The following ZNF704 variants were observed in gnomAD, a reference collection of about 807,000 sequenced individuals.
ZNF704 encodes zinc finger protein 704.
In ZNF704, 10 loss-of-function variants were observed where a neutral mutation model predicts 44.7. The observed-to-expected ratio is 0.22, with a 90% CI of 0.14 to 0.38. ZNF704 has a LOEUF of 0.38. Among genes scored for constraint, ZNF704 ranks in the 10% least tolerant of loss-of-function variants. The pLI is 1.00. For missense variants in ZNF704, 390 were observed against 545.5 expected, an observed-to-expected ratio of 0.71 and a Z score of 2.84; for synonymous variants, 211 against 207.6, an observed-to-expected ratio of 1.02 and a Z score of -0.14.
At chr8:80,676,846 A>G (rs1585943889) in intron 4 of ZNF704, among the ~76,000 whole-genome samples, 1 of 152,178 alleles carries the variant, frequency 6.6e-6, no homozygotes, top group African/African-American at 2.4e-5. Context: ...TCATGCTCCT[A>G]TGAGAATCTA....
At chr8:80,752,677 G>A (rs988843225) in intron 2 of ZNF704, among the ~76,000 whole-genome samples, 4 of 152,128 alleles carry the variant, frequency 2.6e-5, no homozygotes, top group Admixed American at 2.6e-4. Flanking sequence ...TAGTGGCTAG[G>A]ATTACAGGCC....
intron 2 of ZNF704, among the ~76,000 whole-genome samples, chr8:80,787,323 T>C (rs952538862): frequency 6.6e-5 from 10 of 152,224 alleles, no homozygotes; most frequent in Non-Finnish European, 1.0e-4. Context: ...CACATCTACA[T>C]GTGCGTGCAC....
At chr8:80,731,952 T>C (rs1806589229) in intron 2 of ZNF704, among the ~76,000 whole-genome samples, 1 of 152,150 alleles carries the variant, frequency 6.6e-6, no homozygotes, top group Admixed American at 6.5e-5. Flanking sequence ...GGTGAGACTT[T>C]TCCAAAATAA....
chr8:80,791,285 G>A (rs1407077760), intron 2 of ZNF704, among the ~76,000 whole-genome samples: 1 of 152,208 alleles, frequency 6.6e-6, no homozygotes, highest in Admixed American at 6.5e-5. Flanking sequence ...TGTGAGAGAA[G>A]AATGCATGCA....
chr8:80,874,305 G>T lies in ZNF704; in HGVS notation c.-22+266C>A, dbSNP rs1484129960. On this transcript the variant is annotated intron_variant, in intron 1 of 8. Transcript: ENST00000327835. This position sits in a 1 kb window ranked among gnomAD's most constrained non-coding sequence, Gnocchi z 4.4. ...CGCGGGCGGGGGTGGGTGTGAGCGA[G>T]CGGCGCGCTGCCGCCTCCGCCGCCG... Among the ~76,000 whole-genome samples the T allele has an allele frequency of 1.4e-5, 2 of 145,012 alleles. No individual in the cohort carries two copies. The highest frequency in any genetic ancestry group is 3.1e-5 in the Non-Finnish European group (2 of 65,320).
chr8:80,711,381 C>G (rs1818983243), intron 2 of ZNF704, among the ~76,000 whole-genome samples: 1 of 152,082 alleles, frequency 6.6e-6, no homozygotes, highest in Non-Finnish European at 1.5e-5. Context: ...GTCACATCCA[C>G]TAAGAATAGA....
At position 80,632,266 on chromosome 8, in the gene ZNF704, T is replaced by A. The variant is rs1267138236; in HGVS notation, c.*9100A>T. On this transcript the variant is annotated 3_prime_UTR_variant, in exon 9 of 9. Transcript: ENST00000327835. ...ACCTCTGCCTGCAGTTTCAAGGGAT[T>A]CTCCTGCCTCAGCCTCTCAAGTAGC... The A allele has an allele frequency of 6.6e-6, 1 of 152,208 alleles. No individual in the cohort carries two copies. Among genetic ancestry groups the A allele is most frequent in the Non-Finnish European group, 1.5e-5 (1 of 68,054 alleles). 9.4% of individuals were successfully genotyped at this position (152,208 alleles called of 1,614,324 possible).
intron 1 of ZNF704, among the ~76,000 whole-genome samples, chr8:80,857,267 T>C (rs540717592): frequency 1.4e-3 from 220 of 152,320 alleles, no homozygotes; most frequent in Non-Finnish European, 1.9e-3. Context: ...CAAGATGATA[T>C]TGAATAAAAC....
chr8:80,836,078 A>G (rs1041210990), intron 1 of ZNF704, among the ~76,000 whole-genome samples: 4 of 152,226 alleles, frequency 2.6e-5, no homozygotes, highest in Non-Finnish European at 5.9e-5. Context: ...CTTATCCCTT[A>G]AAAATCAGGG....
rs1432250476 is a variant in ZNF704 at position 80,635,387 on chromosome 8, T to C, written c.*5979A>G. On this transcript the variant is annotated 3_prime_UTR_variant, in exon 9 of 9. Coordinates refer to ENST00000327835, the MANE Select transcript of ZNF704 (RefSeq NM_001033723.3). ...AAAATCAAGCACTTGTTCTTTTTGT[T>C]TTGTTTTTTTATTTTCCTTTTTTAT... The C allele has an allele frequency of 6.6e-6, 1 of 152,218 alleles. No individual in the cohort carries two copies. The highest frequency in any genetic ancestry group is 1.5e-5 in the Non-Finnish European group (1 of 68,030). The allele number at this position is 152,218 out of a possible 1,614,324, so 9.4% of individuals were successfully genotyped here.
chr8:80,804,957 A>G lies in ZNF704; in HGVS notation c.221+16417T>C, dbSNP rs1367174314. 2.6e-5 allele frequency among the ~76,000 whole-genome samples: 4 copies of G among 152,282 alleles called. No individual in the cohort carries two copies. In the East Asian group the frequency reaches 5.8e-4, roughly 22 times the overall value. ...CTGTGGTATACTACTTGATTTTTCT[A>G]TTAATTCCTTATTTCTAATCATCAT... is the stretch of plus-strand genomic sequence containing the variant. On this transcript the variant is annotated intron_variant, in intron 2 of 8. Coordinates refer to ENST00000327835, the MANE Select transcript of ZNF704 (RefSeq NM_001033723.3).
chr8:80,696,193 AAC>A (rs1279548514), intron 2 of ZNF704, among the ~76,000 whole-genome samples: 2 of 152,234 alleles, frequency 1.3e-5, no homozygotes, highest in Admixed American at 6.5e-5. Flanking sequence ...ATTGATAAAA[AAC>A]AAACCACTAG....
chr8:80,860,687 C>T (rs191763943), intron 1 of ZNF704, among the ~76,000 whole-genome samples: 12 of 152,258 alleles, frequency 7.9e-5, no homozygotes, highest in African/African-American at 4.8e-5. Flanking sequence ...ATCTTCTGTC[C>T]CAAAAACTTG....
At chr8:80,743,403 C>T (rs1283046230) in intron 2 of ZNF704, among the ~76,000 whole-genome samples, 2 of 152,048 alleles carry the variant, frequency 1.3e-5, no homozygotes, top group East Asian at 3.8e-4. Context: ...AACATCTCCA[C>T]ATGTAACGAT....
rs1817543824 is a variant in ZNF704 at position 80,628,948 on chromosome 8, T to C, written c.*12418A>G. The C allele has an allele frequency of 2.6e-5, 4 of 152,244 alleles. No individual in the cohort carries two copies. Among genetic ancestry groups the C allele is most frequent in the African/African-American group, 7.2e-5 (3 of 41,468 alleles). 9.4% of individuals were successfully genotyped at this position (152,244 alleles called of 1,614,324 possible). The stretch of plus-strand genomic sequence containing the variant: ...AAGTGCAGTTTAACTGGTATGAACA[T>C]TTAACATTGTACATCTTCGATCTGA... On this transcript the variant is annotated 3_prime_UTR_variant, in exon 9 of 9. Coordinates refer to ENST00000327835, the MANE Select transcript of ZNF704 (RefSeq NM_001033723.3).
chr8:80,645,682 T>C (rs535382459), intron 7 of ZNF704, among the ~76,000 whole-genome samples: 6 of 152,248 alleles, frequency 3.9e-5, no homozygotes, highest in Admixed American at 6.5e-5. Flanking sequence ...GAGTAAAAGC[T>C]CCCTGAGGCC....
chr8:80,683,331 T>C (rs914018927), intron 4 of ZNF704, among the ~76,000 whole-genome samples: 19 of 152,200 alleles, frequency 1.2e-4, no homozygotes, highest in African/African-American at 4.6e-4. Flanking sequence ...TCACCTACCT[T>C]GGCTGCAGGT....
At chr8:80,843,988 T>TATAC (rs1554586874) in intron 1 of ZNF704, among the ~76,000 whole-genome samples, 6 of 147,686 alleles carry the variant, frequency 4.1e-5, no homozygotes, top group Non-Finnish European at 7.5e-5. Flanking sequence ...TATATATATA[T>TATAC]ATACACATAC....
intron 2 of ZNF704, among the ~76,000 whole-genome samples, chr8:80,709,767 C>T (rs757222901): frequency 9.2e-5 from 14 of 152,024 alleles, no homozygotes; most frequent in East Asian, 3.9e-4. Flanking sequence ...CCTGCTCTAC[C>T]GTGCTAGGAC....
Sources: allele counts gnomAD v4.1 joint callset (sites outside exome capture counted in the v4.1 genomes callset), GRCh38; gene constraint gnomAD v4.1.1; non-coding constraint Gnocchi (gnomAD v3.1); transcripts MANE v1.5; gene names NCBI Gene and HGNC (gene_info 2026-07-23, HGNC 2026-07-21).